Variants in RORA observed in about 807,000 individuals in gnomAD.
RORA encodes nuclear receptor ROR-alpha.
Under a neutral mutation model 69.5 loss-of-function variants are expected in RORA, and 7 were observed. The observed-to-expected ratio is 0.10, with a 90% CI of 0.06 to 0.19. The LOEUF (loss-of-function observed/expected upper bound fraction) is 0.19, where lower values mean the gene tolerates loss of function less well. Among genes scored for constraint, RORA ranks in the 10% least tolerant of loss-of-function variants. The pLI, the probability that RORA is intolerant of heterozygous loss-of-function variation, is 1.00. For missense variants in RORA, 457 were observed against 663.0 expected (o/e 0.69, Z 3.41); for synonymous variants, 261 against 240.8 (o/e 1.08, Z -0.78).
chr15:60,722,175 A>C (rs1355412548), intron 1 of RORA, among the ~76,000 whole-genome samples: 3 of 152,088 alleles, frequency 2.0e-5, no homozygotes, highest in African/African-American at 7.2e-5. Context: ...TCAGTTTGTT[A>C]TTTATTTTCT....
At chr15:60,967,271 T>C (rs892256543) in intron 1 of RORA, among the ~76,000 whole-genome samples, 16 of 152,372 alleles carry the variant, frequency 1.1e-4, no homozygotes, top group African/African-American at 3.4e-4. Context: ...ACCATATTTA[T>C]ATGCATGTTT....
intron 1 of RORA, among the ~76,000 whole-genome samples, chr15:60,944,967 G>A (rs1297528092): frequency 6.6e-6 from 1 of 152,142 alleles, no homozygotes; most frequent in Non-Finnish European, 1.5e-5. Context: ...ACAGCTCAGA[G>A]ATATAACAGA....
chr15:60,971,217 G>A (rs575676901), intron 1 of RORA, among the ~76,000 whole-genome samples: 45 of 152,132 alleles, frequency 3.0e-4, no homozygotes, highest in Non-Finnish European at 2.8e-4. Flanking sequence ...TACAGAAGCC[G>A]CCCTCCTCTG....
In RORA at chr15:60,496,086, T is replaced by G. The variant is rs1442380526; in HGVS notation, c.*1369A>C. On this transcript the variant is annotated 3_prime_UTR_variant, in exon 11 of 11. Coordinates refer to ENST00000335670, the MANE Select transcript of RORA (RefSeq NM_134261.3). This position sits in a 1 kb window ranked among gnomAD's most constrained non-coding sequence, Gnocchi z 4.5. ...ACTGGTTCAACATTGTATGCTTCCC[T>G]CACCCTCCTATCCATCGTTTTTCAA... 1 of 152,176 alleles carries G rather than the reference T, an allele frequency of 6.6e-6. No homozygotes were observed. The highest frequency in any genetic ancestry group is 1.5e-5 in the Non-Finnish European group (1 of 68,040). The allele number at this position is 152,176 out of a possible 1,614,324, so 9.4% of individuals were successfully genotyped here. A position where few individuals can be genotyped will look rare whatever the true frequency, so the allele number is the denominator to read the frequency against.
At chr15:60,837,892 G>C (rs2073139358) in intron 1 of RORA, among the ~76,000 whole-genome samples, 1 of 152,218 alleles carries the variant, frequency 6.6e-6, no homozygotes, top group Non-Finnish European at 1.5e-5. Context: ...TGAAGGTACA[G>C]CCTGAAGGAC....
intron 2 of RORA, among the ~76,000 whole-genome samples, chr15:60,675,836 G>T (rs901462206): frequency 6.6e-6 from 1 of 152,122 alleles, no homozygotes; most frequent in African/African-American, 2.4e-5. Flanking sequence ...CTGACACTCT[G>T]GTCTGATAAT....
intron 2 of RORA, among the ~76,000 whole-genome samples, chr15:60,656,184 C>A (rs549468829): frequency 3.2e-4 from 48 of 152,270 alleles, no homozygotes; most frequent in African/African-American, 9.9e-4. Context: ...ACCACGCAGT[C>A]CTGCTTCCTC....
chr15:60,564,746 C>G (rs765367943), intron 2 of RORA, among the ~76,000 whole-genome samples: 9 of 152,040 alleles, frequency 5.9e-5, no homozygotes, highest in Non-Finnish European at 1.3e-4. Context: ...TCTGAGAAAA[C>G]CCTAGATTAA....
At chr15:60,502,073 C>T (rs1414979227) in intron 8 of RORA, among the ~76,000 whole-genome samples, 26 of 152,154 alleles carry the variant, frequency 1.7e-4, no homozygotes, top group African/African-American at 5.1e-4. Flanking sequence ...CTCCACCTCC[C>T]GGTTTCAAGT....
At chr15:60,595,427 A>G (rs1170423256) in intron 2 of RORA, among the ~76,000 whole-genome samples, 1 of 152,082 alleles carries the variant, frequency 6.6e-6, no homozygotes, top group Non-Finnish European at 1.5e-5. Context: ...AGGCATAAGA[A>G]TTACTTGAAC....
chr15:60,761,171 G>A (rs1307762829), intron 1 of RORA, among the ~76,000 whole-genome samples: 2 of 152,054 alleles, frequency 1.3e-5, no homozygotes, highest in Non-Finnish European at 2.9e-5. Flanking sequence ...TTGCCTCTTC[G>A]AAGCAGCAGG....
chr15:61,039,034 C>A (rs899594490), intron 1 of RORA: 1 of 152,194 alleles, frequency 6.6e-6, no homozygotes, highest in East Asian at 1.9e-4. Context: ...GTGGGAGACT[C>A]ACGGGATATT....
At chr15:60,678,636 G>GA (rs769834506) in intron 2 of RORA, 21 bp downstream of exon 2, 57 of 1,596,038 alleles carry the variant, frequency 3.6e-5, no homozygotes, top group Non-Finnish European at 4.4e-5. Flanking sequence ...ACTTTGGACA[G>GA]AAAAAAAATG....
chr15:61,171,578 C>T lies in RORA; in HGVS notation c.166+57475G>A, dbSNP rs568061051. Reference sequence around the variant, plus strand: ...GGTATTAACACTCACTGGTCCCCACCCACTCCACTTCTGGACTTCTGCAGA... The same window carrying T: ...GGTATTAACACTCACTGGTCCCCACTCACTCCACTTCTGGACTTCTGCAGA... On this transcript the variant is annotated intron_variant, in intron 1 of 10. Coordinates refer to ENST00000335670, the MANE Select transcript of RORA (RefSeq NM_134261.3). Among the ~76,000 whole-genome samples, 6 of 152,220 alleles carry T rather than the reference C, an allele frequency of 3.9e-5. No individual in the cohort carries two copies. The South Asian group carries it at 8.3e-4, about 21-fold the overall frequency.
chr15:60,939,231 C>T, intron 1 of RORA, among the ~76,000 whole-genome samples: 1 of 152,178 alleles, frequency 6.6e-6, no homozygotes, highest in East Asian at 1.9e-4. Context: ...ATACAACAAA[C>T]TGCGACCTTG....
rs967476745 is a variant in RORA at position 60,490,035 on chromosome 15, G to T, written c.*7420C>A. 1 of 151,670 alleles carries T rather than the reference G, an allele frequency of 6.6e-6. No homozygotes were observed. The allele number at this position is 151,670 out of a possible 1,614,324, so 9.4% of individuals were successfully genotyped here. On this transcript the variant is annotated 3_prime_UTR_variant, in exon 11 of 11. Transcript: ENST00000335670. The surrounding 1 kb of genome is among the most constrained non-coding windows in gnomAD (Gnocchi z 4.1). ...ATAGATGTCAAATATCCATACTAAGGAAGTAATTTTATCCTAATTAAATAC... is the reference window on the plus strand; with the variant it reads ...ATAGATGTCAAATATCCATACTAAGTAAGTAATTTTATCCTAATTAAATAC...
At chr15:60,885,816 A>G (rs2073744341) in intron 1 of RORA, among the ~76,000 whole-genome samples, 1 of 152,214 alleles carries the variant, frequency 6.6e-6, no homozygotes, top group South Asian at 2.1e-4. Flanking sequence ...TCATGTGTAA[A>G]ACAAGGATAA....
chr15:60,878,343 C>CAAA (rs35845582), intron 1 of RORA, among the ~76,000 whole-genome samples: 6 of 68,416 alleles, frequency 8.8e-5, no homozygotes, highest in African/African-American at 1.1e-4. Context: ...GACTCTGTCT[C>CAAA]AAAAAAAAAA....
intron 1 of RORA, among the ~76,000 whole-genome samples, chr15:60,901,749 C>A (rs1255489405): frequency 6.6e-6 from 1 of 152,162 alleles, no homozygotes; most frequent in Non-Finnish European, 1.5e-5. Context: ...ATGCCCTCAC[C>A]CTTGTTTCCT....
Sources: gnomAD v4.1 joint callset for allele counts (sites outside exome capture counted in the v4.1 genomes callset) on GRCh38, gnomAD v4.1.1 for gene constraint, Gnocchi (gnomAD v3.1) non-coding constraint, MANE v1.5 for transcripts, NCBI Gene and HGNC (gene_info 2026-07-23, HGNC 2026-07-21) for gene names.